The following ZC2HC1B variants were observed in gnomAD, a reference collection of about 807,000 sequenced individuals.
The protein encoded by ZC2HC1B is zinc finger C2HC domain-containing protein 1B.
A neutral mutation model predicts 31.0 loss-of-function variants in ZC2HC1B; 36 were observed. The ratio of observed to expected loss-of-function variants is 1.16; its 90% CI spans 0.89 to 1.54. The LOEUF (loss-of-function observed/expected upper bound fraction) is 1.54, where lower values mean the gene tolerates loss of function less well. Among genes scored for constraint, ZC2HC1B ranks in the 40% most tolerant of loss-of-function variants. The probability of loss-of-function intolerance (pLI) is 0.00; values close to 1 mark genes in which losing one functional copy is unlikely to be tolerated. For missense variants in ZC2HC1B, 260 were observed against 268.6 expected, an observed-to-expected ratio of 0.97 and a Z score of 0.22; for synonymous variants, 73 against 88.0, an observed-to-expected ratio of 0.83 and a Z score of 0.95.
At chr6:143,875,334 C>T (rs1777392775) in intron 1 of ZC2HC1B, among the ~76,000 whole-genome samples, 1 of 151,440 alleles carries the variant, frequency 6.6e-6, no homozygotes, top group African/African-American at 2.4e-5. Context: ...GACTAATCCA[C>T]TCCACCATCA....
chr6:143,902,058 C>T (rs772585586), intron 5 of ZC2HC1B, among the ~76,000 whole-genome samples: 3 of 152,158 alleles, frequency 2.0e-5, no homozygotes, highest in Non-Finnish European at 4.4e-5. Context: ...CTTGGCCCCA[C>T]TCCTCTCCTT....
intron 4 of ZC2HC1B, among the ~76,000 whole-genome samples, chr6:143,894,430 T>A (rs1239692166): frequency 6.6e-6 from 1 of 152,218 alleles, no homozygotes; most frequent in Non-Finnish European, 1.5e-5. Flanking sequence ...CAAAACTCAT[T>A]GAACTGTACA....
intron 4 of ZC2HC1B, among the ~76,000 whole-genome samples, chr6:143,898,349 C>T (rs1310518253): frequency 1.1e-4 from 16 of 152,036 alleles, no homozygotes; most frequent in Admixed American, 5.2e-4. Context: ...TTTGTAGGGA[C>T]GGGGTTTTGC....
rs1300771673 is a variant in ZC2HC1B, at chr6:143,905,979, A to G, written c.598+2827A>G. 6.6e-6 allele frequency among the ~76,000 whole-genome samples: 1 copy of G among 152,178 alleles called. No homozygotes were observed. Among genetic ancestry groups the G allele is most frequent in the Non-Finnish European group, 1.5e-5 (1 of 68,024 alleles). ...TTAGTATTTTATTGAGGATTTTTGC[A>G]TTAATGTTCATAAGAGATGTAGTTT... On this transcript the variant is annotated intron_variant, in intron 6 of 7. Coordinates refer to ENST00000237275, the MANE Select transcript of ZC2HC1B (RefSeq NM_001013623.3). This position sits in a 1 kb window ranked among gnomAD's most constrained non-coding sequence, Gnocchi z 4.2.
At chr6:143,925,536 C>CTTTTTTTTTTT (rs36007959) in intron 6 of ZC2HC1B, among the ~76,000 whole-genome samples, 1 of 104,960 alleles carries the variant, frequency 9.5e-6, no homozygotes, top group African/African-American at 3.8e-5. Context: ...CTTTTCTTTT[C>CTTTTTTTTTTT]TTTTTTTTTT....
chr6:143,900,824 T>C (rs1383956554), intron 5 of ZC2HC1B, among the ~76,000 whole-genome samples: 1 of 152,156 alleles, frequency 6.6e-6, no homozygotes, highest in Non-Finnish European at 1.5e-5. Flanking sequence ...TTACAATAAA[T>C]ACAGTTTTAT....
rs1778157834 is a variant in ZC2HC1B, at chr6:143,934,818, G to T, written c.599-2831G>T. On this transcript the variant is annotated intron_variant, in intron 6 of 7. Coordinates refer to ENST00000237275, the MANE Select transcript of ZC2HC1B (RefSeq NM_001013623.3). The surrounding 1 kb of genome is among the most constrained non-coding windows in gnomAD (Gnocchi z 4.6). Reference sequence around the variant, plus strand: ...GGACACAAGGTGAGCTGGTCTTCAGGCCTCAGTGGTGGCAGCAGTAGACTG... The same window carrying T: ...GGACACAAGGTGAGCTGGTCTTCAGTCCTCAGTGGTGGCAGCAGTAGACTG... 6.6e-6 allele frequency among the ~76,000 whole-genome samples: 1 copy of T among 152,140 alleles called. No individual in the cohort carries two copies. Among genetic ancestry groups the T allele is most frequent in the Non-Finnish European group, 1.5e-5 (1 of 68,010 alleles).
chr6:143,879,531 A>G (rs1777444231), intron 1 of ZC2HC1B, among the ~76,000 whole-genome samples: 1 of 152,156 alleles, frequency 6.6e-6, no homozygotes, highest in Non-Finnish European at 1.5e-5. Flanking sequence ...AGATGTTGAT[A>G]TTGCTAAATA....
intron 6 of ZC2HC1B, among the ~76,000 whole-genome samples, chr6:143,925,445 A>G (rs895442455): frequency 9.3e-5 from 14 of 150,296 alleles, no homozygotes; most frequent in African/African-American, 3.2e-4. Context: ...CAAAGTGCTG[A>G]GATTACAGGT....
intron 6 of ZC2HC1B, among the ~76,000 whole-genome samples, chr6:143,930,839 A>G (rs1477199326): frequency 6.6e-6 from 1 of 152,208 alleles, no homozygotes. Context: ...AGAATAATGT[A>G]TATTCTGCAG....
At chr6:143,927,045 G>A (rs1000119260) in intron 6 of ZC2HC1B, among the ~76,000 whole-genome samples, 2 of 150,880 alleles carry the variant, frequency 1.3e-5, no homozygotes, top group African/African-American at 2.4e-5. Flanking sequence ...TGATCCACCC[G>A]CCTCGGCCTC....
intron 6 of ZC2HC1B, among the ~76,000 whole-genome samples, chr6:143,926,406 T>C (rs539534007): frequency 7.2e-5 from 11 of 151,988 alleles, no homozygotes; most frequent in Admixed American, 5.9e-4. Context: ...TTAATTTCCA[T>C]GTATTTGTAT....
chr6:143,927,929 T>A (rs1470628723), intron 6 of ZC2HC1B, among the ~76,000 whole-genome samples: 1 of 152,196 alleles, frequency 6.6e-6, no homozygotes, highest in Non-Finnish European at 1.5e-5. Context: ...GGCATTTTTA[T>A]GTTTACTTTT....
intron 1 of ZC2HC1B, among the ~76,000 whole-genome samples, chr6:143,879,121 C>G (rs369484153): frequency 6.6e-6 from 1 of 152,156 alleles, no homozygotes; most frequent in South Asian, 2.1e-4. Flanking sequence ...TCGCCTGCCT[C>G]AGTTTTAGAG....
intron 6 of ZC2HC1B, among the ~76,000 whole-genome samples, chr6:143,925,999 A>T (rs1394257868): frequency 6.6e-6 from 1 of 151,942 alleles, no homozygotes; most frequent in African/African-American, 2.4e-5. Flanking sequence ...GCTAATTCAC[A>T]TCCTCTCTCT....
intron 6 of ZC2HC1B, among the ~76,000 whole-genome samples, chr6:143,920,092 AAAAT>A (rs1414802544): frequency 1.3e-5 from 2 of 152,198 alleles, no homozygotes; most frequent in African/African-American, 4.8e-5. Flanking sequence ...GTCCTTCAGA[AAAAT>A]AAAAAAACAA....
intron 1 of ZC2HC1B, among the ~76,000 whole-genome samples, chr6:143,882,332 T>TATATATATATATATATA (rs1554237224): frequency 1.5e-5 from 1 of 67,404 alleles, no homozygotes; most frequent in African/African-American, 7.9e-5. Context: ...ATTTTATATT[T>TATATATATATATATATA]TTTATATATA....
chr6:143,925,466 G>T (rs1778025227), intron 6 of ZC2HC1B, among the ~76,000 whole-genome samples: 1 of 151,176 alleles, frequency 6.6e-6, no homozygotes. Flanking sequence ...GTGAGCCACT[G>T]CTCCCAGCCC....
intron 6 of ZC2HC1B, among the ~76,000 whole-genome samples, chr6:143,906,517 C>T (rs972012422): frequency 2.6e-5 from 4 of 151,968 alleles, no homozygotes; most frequent in Non-Finnish European, 5.9e-5. Context: ...AATCTTAGCT[C>T]ACTGCAACCT....
Sources: allele counts gnomAD v4.1 joint callset (sites outside exome capture counted in the v4.1 genomes callset), GRCh38; gene constraint gnomAD v4.1.1; non-coding constraint Gnocchi (gnomAD v3.1); transcripts MANE v1.5; gene names NCBI Gene and HGNC (gene_info 2026-07-23, HGNC 2026-07-21).